LRRC4C: variants seen among roughly 807,000 people sequenced by gnomAD.
The protein encoded by LRRC4C is leucine rich repeat containing 4C, also known as leucine-rich repeat-containing protein 4C.
LRRC4C carries 5 observed loss-of-function variants against 33.6 expected under a neutral mutation model. That is an observed-to-expected ratio of 0.15 (90% CI 0.08 to 0.31). The LOEUF (loss-of-function observed/expected upper bound fraction) is 0.31. LRRC4C is among the 10% of genes least tolerant of loss of function. LRRC4C has a pLI of 1.00. For synonymous variants in LRRC4C, 329 were observed against 302.0 expected (o/e 1.09, Z -0.93); for missense variants, 560 against 796.7 (o/e 0.70, Z 3.58).
chr11:40,555,430 T>G (rs1957294864), intron 3 of LRRC4C, among the ~76,000 whole-genome samples: 1 of 152,210 alleles, frequency 6.6e-6, no homozygotes, highest in Admixed American at 6.5e-5. Flanking sequence ...GTAATTCTTA[T>G]TTTGGACCAA....
chr11:40,475,475 A>C (rs1409185424), intron 3 of LRRC4C, among the ~76,000 whole-genome samples: 2 of 152,118 alleles, frequency 1.3e-5, no homozygotes, highest in African/African-American at 2.4e-5. Context: ...GGGGAGGGAT[A>C]GCATTAGGAG....
At chr11:40,143,168 C>T (rs1857490462) in intron 5 of LRRC4C, among the ~76,000 whole-genome samples, 1 of 152,048 alleles carries the variant, frequency 6.6e-6, no homozygotes, top group Non-Finnish European at 1.5e-5. Context: ...TTTTTTTCTC[C>T]AAACACATCT....
chr11:41,232,056 T>G (rs1232106322), intron 1 of LRRC4C, among the ~76,000 whole-genome samples: 1 of 152,016 alleles, frequency 6.6e-6, no homozygotes, highest in Non-Finnish European at 1.5e-5. Context: ...CATGTTTTCA[T>G]GACTTTTTTC....
At chr11:41,126,099 A>G (rs970369568) in intron 1 of LRRC4C, among the ~76,000 whole-genome samples, 5 of 152,136 alleles carry the variant, frequency 3.3e-5, no homozygotes, top group Admixed American at 2.0e-4. Flanking sequence ...CTTAATACCC[A>G]GGTGATGGGT....
intron 5 of LRRC4C, among the ~76,000 whole-genome samples, chr11:40,221,290 AT>A (rs1864397907): frequency 6.6e-6 from 1 of 152,116 alleles, no homozygotes; most frequent in African/African-American, 2.4e-5. Context: ...ACTTGTAATG[AT>A]TTGTATTTTT....
At chr11:41,270,895 T>C (rs552889545) in intron 1 of LRRC4C, among the ~76,000 whole-genome samples, 470 of 152,214 alleles carry the variant, frequency 3.1e-3, no homozygotes, top group Non-Finnish European at 4.7e-3. Flanking sequence ...GTCTCTCTCT[T>C]AGCTTTAGGT....
intron 1 of LRRC4C, among the ~76,000 whole-genome samples, chr11:41,041,050 T>C (rs1373288888): frequency 6.6e-6 from 1 of 152,218 alleles, no homozygotes; most frequent in Non-Finnish European, 1.5e-5. Context: ...TGTTTTAGAA[T>C]TCAAGAGGTC....
intron 1 of LRRC4C, among the ~76,000 whole-genome samples, chr11:40,986,233 G>C (rs539274506): frequency 6.6e-6 from 1 of 152,062 alleles, no homozygotes; most frequent in Non-Finnish European, 1.5e-5. Flanking sequence ...TGGTGGAGTG[G>C]GGGAAAAAGT....
chr11:40,191,105 G>A (rs1861807321), intron 5 of LRRC4C, among the ~76,000 whole-genome samples: 2 of 152,132 alleles, frequency 1.3e-5, no homozygotes, highest in Non-Finnish European at 2.9e-5. Context: ...AATCAACCCA[G>A]TATTTAATTT....
At chr11:40,412,041 T>G (rs79984760) in intron 3 of LRRC4C, among the ~76,000 whole-genome samples, 3,130 of 152,018 alleles carry the variant, frequency 0.021, 41 homozygotes, top group Middle Eastern at 0.024. Context: ...CAGCTTTTTT[T>G]GGGGGGTTAT....
At chr11:40,914,621 C>T (rs1956859858) in intron 2 of LRRC4C, among the ~76,000 whole-genome samples, 2 of 152,120 alleles carry the variant, frequency 1.3e-5, no homozygotes, top group African/African-American at 4.8e-5. Context: ...GGAAGCATTC[C>T]CTTTGACAAC....
chr11:41,330,412 TTTTC>T (rs1484887749), intron 1 of LRRC4C, among the ~76,000 whole-genome samples: 1 of 152,176 alleles, frequency 6.6e-6, no homozygotes, highest in Non-Finnish European at 1.5e-5. Context: ...GTGTTACAAT[TTTTC>T]TTTAATTTAA....
chr11:40,696,330 ATATATATATGGTGTATATATATGTGG>A (rs916090819), intron 2 of LRRC4C, among the ~76,000 whole-genome samples: 1 of 128,170 alleles, frequency 7.8e-6, no homozygotes, highest in African/African-American at 3.1e-5. Context: ...ATATATGAGT[ATATATATATGGTGTATATATATGTGG>A]TATATATATG....
chr11:40,563,531 G>C (rs879276498), intron 3 of LRRC4C, among the ~76,000 whole-genome samples: 5 of 152,160 alleles, frequency 3.3e-5, no homozygotes, highest in African/African-American at 4.8e-5. Context: ...TAAAGGCTAA[G>C]TAAGGGTCAG....
chr11:40,896,423 C>T (rs1453883820), intron 2 of LRRC4C, among the ~76,000 whole-genome samples: 3 of 152,116 alleles, frequency 2.0e-5, no homozygotes, highest in Non-Finnish European at 2.9e-5. Flanking sequence ...ATAAATCTTA[C>T]TTGTAATTAG....
chr11:40,445,863 T>G (rs1206565572), intron 3 of LRRC4C: 1 of 152,274 alleles, frequency 6.6e-6, no homozygotes, highest in African/African-American at 2.4e-5. Context: ...TTATCTGATG[T>G]CTAGTGGGGA....
chr11:40,738,637 CT>C (rs1391056225), intron 2 of LRRC4C, among the ~76,000 whole-genome samples: 2 of 152,040 alleles, frequency 1.3e-5, no homozygotes, highest in Non-Finnish European at 2.9e-5. Flanking sequence ...AGACACAAAA[CT>C]TTAGCTCTCC....
intron 2 of LRRC4C, among the ~76,000 whole-genome samples, chr11:40,804,765 A>AT (rs747236226): frequency 9.2e-5 from 14 of 151,654 alleles, no homozygotes; most frequent in South Asian, 6.3e-4. Context: ...ACTTGAAATT[A>AT]TTTTTTTTTC....
chr11:40,760,366 C>A (rs1315126170), intron 2 of LRRC4C, among the ~76,000 whole-genome samples: 1 of 150,904 alleles, frequency 6.6e-6, no homozygotes, highest in Non-Finnish European at 1.5e-5. Context: ...GCAACGGAGA[C>A]CATATGGCTC....
Sources: allele counts gnomAD v4.1 joint callset (sites outside exome capture counted in the v4.1 genomes callset), GRCh38; gene constraint gnomAD v4.1.1; transcripts MANE v1.5; gene names NCBI Gene and HGNC (gene_info 2026-07-23, HGNC 2026-07-21).